MYO16: variants seen among roughly 807,000 people sequenced by gnomAD.
MYO16 encodes the protein myosin XVI.
In MYO16, 94 loss-of-function variants were observed where a neutral mutation model predicts 205.3. The observed-to-expected ratio is 0.46, with a 90% CI of 0.39 to 0.54. MYO16 has a LOEUF of 0.54. Ranked by LOEUF, MYO16 falls within the 20% of genes least tolerant of loss-of-function variation. The pLI, the probability that MYO16 is intolerant of heterozygous loss-of-function variation, is 0.00. For synonymous variants in MYO16, 988 were observed against 954.0 expected (o/e 1.04, Z -0.66); for missense variants, 2,315 against 2,387.5 (o/e 0.97, Z 0.63).
At chr13:108,741,750 A>G (rs1884916222) in intron 4 of MYO16, among the ~76,000 whole-genome samples, 1 of 152,320 alleles carries the variant, frequency 6.6e-6, no homozygotes, top group East Asian at 1.9e-4. Flanking sequence ...AAAACTATTG[A>G]CACTTTTCTG....
chr13:108,631,857 C>T (rs1879995747), intron 1 of MYO16, among the ~76,000 whole-genome samples: 1 of 152,120 alleles, frequency 6.6e-6, no homozygotes, highest in Non-Finnish European at 1.5e-5. Context: ...GCAGGCGGAT[C>T]ACCTGAGGTC....
chr13:108,534,739 A>T, the MYO16 span, among the ~76,000 whole-genome samples: 1 of 151,528 alleles, frequency 6.6e-6, no homozygotes, highest in Non-Finnish European at 1.5e-5. Flanking sequence ...TACTACTGCT[A>T]CTACAACTCC....
chr13:108,785,889 T>A, intron 5 of MYO16, 146 bp downstream of exon 5: 1 of 600,940 alleles, frequency 1.7e-6, no homozygotes, highest in Non-Finnish European at 2.9e-6. Context: ...CCCTTCAGCT[T>A]TCCATTGCTC....
chr13:109,029,090 G>C (rs1034879542), intron 23 of MYO16, among the ~76,000 whole-genome samples: 2 of 145,828 alleles, frequency 1.4e-5, no homozygotes, highest in Non-Finnish European at 1.5e-5. Flanking sequence ...CAACCTCTTT[G>C]CCTTTAAACA....
rs776508832 is a variant in MYO16 at position 108,727,436 on chromosome 13, T to G, written c.364-4T>G. Reference sequence around the variant, plus strand: ...TTGATATTTCCTTGTATTCTTTCTTTTAGTGTGCTCGGTATGATAATGCCT... The same window carrying G: ...TTGATATTTCCTTGTATTCTTTCTTGTAGTGTGCTCGGTATGATAATGCCT... On this transcript the variant is annotated splice_region_variant and splice_polypyrimidine_tract_variant and intron_variant, in intron 3 of 34. Transcript: ENST00000457511. The G allele has an allele frequency of 1.2e-6, 2 of 1,612,282 alleles. No homozygotes were observed. The highest frequency in any genetic ancestry group is 1.1e-5 in the South Asian group (1 of 90,822).
chr13:108,934,670 C>T (rs1882403327), intron 16 of MYO16, among the ~76,000 whole-genome samples: 1 of 151,960 alleles, frequency 6.6e-6, no homozygotes, highest in Admixed American at 6.6e-5. Context: ...TAAATTCTAT[C>T]TCAAGGTCCA....
Position 109,140,392 on chromosome 13 carries a change from G to C in MYO16, c.4180G>C (p.Gly1394Arg), listed in dbSNP as rs1263914367. The C allele has an allele frequency of 6.3e-7, 1 of 1,594,058 alleles. No individual in the cohort carries two copies. Among genetic ancestry groups the C allele is most frequent in the South Asian group, 1.1e-5 (1 of 90,648 alleles). ...CGAGGAGATATCGGGGTCCCGGCCCGGGGACGCGAGGCCCGCGGGCGCCCC... is the reference window on the plus strand; with the variant it reads ...CGAGGAGATATCGGGGTCCCGGCCCCGGGACGCGAGGCCCGCGGGCGCCCC... ...SYEEISGSRP[G>R]DARPAGAPGA... The change falls in exon 32 of 35, where the codon GGG becomes CGG. Residue 1394 changes from glycine (G) to arginine (R), a missense_variant. Gly to Arg is a moderately radical substitution (Grantham distance 125). Transcript: ENST00000457511. The surrounding 1 kb of genome is among the most constrained non-coding windows in gnomAD (Gnocchi z 8.0).
At chr13:108,566,729 GGAAGGGAGGA>G in the MYO16 span, among the ~76,000 whole-genome samples, 10 of 127,616 alleles carry the variant, frequency 7.8e-5, no homozygotes, top group East Asian at 2.0e-3. Flanking sequence ...AAGGAAGGAA[GGAAGGGAGGA>G]AGGAAGGAAG....
At chr13:108,709,918 CA>C in intron 2 of MYO16, among the ~76,000 whole-genome samples, 2 of 134,154 alleles carry the variant, frequency 1.5e-5, no homozygotes, top group Non-Finnish European at 3.3e-5. Context: ...ACAGCCCTCT[CA>C]AAAAAACTGT....
At chr13:109,020,466 T>C (rs1238106092) in intron 23 of MYO16, among the ~76,000 whole-genome samples, 1 of 149,882 alleles carries the variant, frequency 6.7e-6, no homozygotes, top group East Asian at 1.9e-4. Flanking sequence ...AAGCTGATCA[T>C]AATTTTTTTC....
intron 4 of MYO16, among the ~76,000 whole-genome samples, chr13:108,748,833 G>T (rs1402645951): frequency 6.6e-6 from 1 of 152,142 alleles, no homozygotes; most frequent in Non-Finnish European, 1.5e-5. Context: ...TTCAAAATGG[G>T]TCATGGACTT....
intron 23 of MYO16, among the ~76,000 whole-genome samples, chr13:109,044,938 T>G (rs1485985226): frequency 1.3e-5 from 2 of 152,180 alleles, no homozygotes; most frequent in East Asian, 3.9e-4. Context: ...TCTGTCCACC[T>G]TGGCCTCCCA....
chr13:108,909,863 C>T (rs1881174878), intron 15 of MYO16, 140 bp from the exon 16 acceptor site: 1 of 911,644 alleles, frequency 1.1e-6, no homozygotes, highest in Non-Finnish European at 1.6e-6. Flanking sequence ...TGCAAAAAGA[C>T]AATAAAATAA....
At chr13:109,197,018 A>C (rs1400490034) in intron 34 of MYO16, among the ~76,000 whole-genome samples, 2 of 152,168 alleles carry the variant, frequency 1.3e-5, no homozygotes, top group Admixed American at 1.3e-4. Context: ...CCATCCCAAA[A>C]TAATAATTTT....
At position 108,897,435 on chromosome 13, in the gene MYO16, G is replaced by C. The variant is rs746272544; in HGVS notation, c.1660-581G>C. On this transcript the variant is annotated intron_variant, in intron 14 of 34. Transcript: ENST00000457511. ...ACAGGGCAGCGAGAGAAGGCGGCATGGCAGCTCAGCTGGGAGTTTCACCGC... is the reference window on the plus strand; with the variant it reads ...ACAGGGCAGCGAGAGAAGGCGGCATCGCAGCTCAGCTGGGAGTTTCACCGC... 2.6e-5 allele frequency among the ~76,000 whole-genome samples: 4 copies of C among 152,204 alleles called. 1 individual carries two copies. Among genetic ancestry groups the C allele is most frequent in the South Asian group, 4.1e-4 (2 of 4,832 alleles).
chr13:109,089,070 T>G (rs939103540), intron 27 of MYO16, among the ~76,000 whole-genome samples: 6 of 151,806 alleles, frequency 4.0e-5, no homozygotes, highest in African/African-American at 1.5e-4. Context: ...ACCGCCACAA[T>G]GAGAGAGGGT....
At chr13:109,059,106 C>A (rs568668212) in intron 27 of MYO16, among the ~76,000 whole-genome samples, 1 of 152,328 alleles carries the variant, frequency 6.6e-6, no homozygotes, top group South Asian at 2.1e-4. Context: ...GCTTTCTCCA[C>A]TGGCGTATTG....
intron 22 of MYO16, among the ~76,000 whole-genome samples, chr13:109,010,193 C>G (rs1885545168): frequency 6.6e-6 from 1 of 152,172 alleles, no homozygotes. Context: ...CAACCTTTCA[C>G]ATGGAGTAGA....
intron 1 of MYO16, among the ~76,000 whole-genome samples, chr13:108,644,375 T>A (rs1040279939): frequency 7.8e-6 from 1 of 127,462 alleles, no homozygotes; most frequent in African/African-American, 2.7e-5. Context: ...TATCTATCTA[T>A]CTATCTATCT....
Sources: allele counts gnomAD v4.1 joint callset (sites outside exome capture counted in the v4.1 genomes callset), GRCh38; gene constraint gnomAD v4.1.1; non-coding constraint Gnocchi (gnomAD v3.1); transcripts MANE v1.5; gene names NCBI Gene and HGNC (gene_info 2026-07-23, HGNC 2026-07-21).